DPP6: variants seen among roughly 807,000 people sequenced by gnomAD.
The protein encoded by DPP6 is A-type potassium channel modulatory protein DPP6.
In DPP6, 69 loss-of-function variants were observed where a neutral mutation model predicts 122.6. That is an observed-to-expected ratio of 0.56 (90% confidence interval 0.46 to 0.69). The LOEUF is 0.69. Ranked by LOEUF, DPP6 falls within the 30% of genes least tolerant of loss-of-function variation. The pLI is 0.00. For missense variants in DPP6, 928 were observed against 1,116.9 expected (o/e 0.83, Z 2.41); for synonymous variants, 418 against 433.1 (o/e 0.97, Z 0.43).
At chr7:154,415,675 C>T (rs1816958707) in intron 1 of DPP6, among the ~76,000 whole-genome samples, 1 of 149,998 alleles carries the variant, frequency 6.7e-6, no homozygotes, top group African/African-American at 2.5e-5. Context: ...CAGTTGAACT[C>T]TTTTAGAAGA....
At chr7:154,199,702 T>C (rs1257312973) in intron 1 of DPP6, among the ~76,000 whole-genome samples, 1 of 151,940 alleles carries the variant, frequency 6.6e-6, no homozygotes, top group African/African-American at 2.4e-5. Context: ...GTCCGCCTCC[T>C]GGGTTCAAGT....
At chr7:153,755,225 C>T in the DPP6 span, among the ~76,000 whole-genome samples, 2 of 148,208 alleles carry the variant, frequency 1.3e-5, no homozygotes, top group South Asian at 4.4e-4. Context: ...CCTCTTGTAG[C>T]CCATTCAGCA....
chr7:154,342,900 A>G lies in DPP6; in HGVS notation c.244-103314A>G, dbSNP rs550631828. On this transcript the variant is annotated intron_variant, in intron 1 of 25. Coordinates refer to ENST00000377770, the MANE Select transcript of DPP6 (RefSeq NM_130797.4). ...CTCTCAAGGTAAACTGAAATGATCA[A>G]TGTATTTATAGTAGGATAATCAAAA... is the stretch of plus-strand genomic sequence containing the variant. Among the ~76,000 whole-genome samples, 58 of 152,346 alleles carry G rather than the reference A, an allele frequency of 3.8e-4. 3 individuals carry two copies. In the South Asian group the frequency reaches 9.7e-3, roughly 26 times the overall value.
chr7:153,953,333 G>A (rs1234499713), intron 1 of DPP6, among the ~76,000 whole-genome samples: 1 of 152,108 alleles, frequency 6.6e-6, no homozygotes, highest in Non-Finnish European at 1.5e-5. Context: ...TGGGTAATTT[G>A]CCTAAGATCA....
chr7:154,266,805 G>T (rs1803451372), intron 1 of DPP6, among the ~76,000 whole-genome samples: 1 of 152,178 alleles, frequency 6.6e-6, no homozygotes, highest in Non-Finnish European at 1.5e-5. Flanking sequence ...AGGACATCTA[G>T]AAAGTCAAAA....
the DPP6 span, among the ~76,000 whole-genome samples, chr7:153,770,066 G>A: frequency 1.3e-5 from 2 of 152,280 alleles, no homozygotes; most frequent in Admixed American, 6.5e-5. Flanking sequence ...TCTCAAAGAT[G>A]CTGCCTGAGG....
chr7:153,805,914 C>A, the DPP6 span, among the ~76,000 whole-genome samples: 17 of 151,840 alleles, frequency 1.1e-4, no homozygotes, highest in African/African-American at 4.1e-4. Context: ...TGACGAGTTA[C>A]TGGGTGCAGC....
intron 1 of DPP6, among the ~76,000 whole-genome samples, chr7:153,999,369 T>A (rs559649501): frequency 6.6e-6 from 1 of 152,360 alleles, no homozygotes; most frequent in African/African-American, 2.4e-5. Context: ...TCTAGAATTG[T>A]TGACTATTCT....
Position 153,964,381 on chromosome 7 carries a change from A to G in DPP6, c.51+76647A>G, listed in dbSNP as rs538787440. On this transcript the variant is annotated intron_variant, in intron 1 of 25. Coordinates refer to the DPP6 transcript ENST00000404039. ...TTTCTGGAAAACGTGTGTCTCATTCATCTCTTGTTGGCGTTTCTGAAAATA... is the reference window on the plus strand; with the variant it reads ...TTTCTGGAAAACGTGTGTCTCATTCGTCTCTTGTTGGCGTTTCTGAAAATA... Among the ~76,000 whole-genome samples the G allele has an allele frequency of 5.3e-5, 8 of 152,186 alleles. No individual in the cohort carries two copies. In the South Asian group the frequency reaches 1.7e-3, roughly 32 times the overall value.
intron 16 of DPP6, among the ~76,000 whole-genome samples, chr7:154,809,958 C>T (rs1170361304): frequency 6.6e-6 from 1 of 152,204 alleles, no homozygotes. Flanking sequence ...CAACCTCTGC[C>T]TCCCGGTTTC....
chr7:154,690,206 G>T (rs1296628445), intron 7 of DPP6, among the ~76,000 whole-genome samples: 2 of 152,118 alleles, frequency 1.3e-5, no homozygotes, highest in Non-Finnish European at 2.9e-5. Flanking sequence ...GTTTTATAAG[G>T]ACCTGTGTCC....
intron 3 of DPP6, among the ~76,000 whole-genome samples, chr7:154,484,254 C>A (rs1823598455): frequency 6.6e-6 from 1 of 152,216 alleles, no homozygotes; most frequent in South Asian, 2.1e-4. Flanking sequence ...GCATCTGTGA[C>A]CAACAGAAAG....
At chr7:153,960,439 A>G (rs1263223921) in intron 1 of DPP6, among the ~76,000 whole-genome samples, 2 of 152,208 alleles carry the variant, frequency 1.3e-5, no homozygotes, top group East Asian at 1.9e-4. Flanking sequence ...AAATGCTTGT[A>G]GGAAAAAGCT....
the DPP6 span, among the ~76,000 whole-genome samples, chr7:153,826,975 A>T: frequency 1.1e-3 from 154 of 139,764 alleles, no homozygotes; most frequent in African/African-American, 3.9e-3. Context: ...ATTTGGAAAA[A>T]TAAATAGAAC....
the DPP6 span, among the ~76,000 whole-genome samples, chr7:153,775,672 A>G: frequency 6.6e-6 from 1 of 152,176 alleles, no homozygotes; most frequent in Non-Finnish European, 1.5e-5. Context: ...GACTTTCTAC[A>G]TGGCAAAACC....
At chr7:153,831,835 G>C in the DPP6 span, among the ~76,000 whole-genome samples, 1 of 152,134 alleles carries the variant, frequency 6.6e-6, no homozygotes, top group East Asian at 1.9e-4. Context: ...AAGATGAGGG[G>C]GCTGAGGTGG....
At chr7:154,108,660 T>C (rs1351710147) in intron 1 of DPP6, among the ~76,000 whole-genome samples, 1 of 152,202 alleles carries the variant, frequency 6.6e-6, no homozygotes, top group Non-Finnish European at 1.5e-5. Context: ...ATCCAGCTAA[T>C]GCACACCAGG....
intron 3 of DPP6, among the ~76,000 whole-genome samples, chr7:154,522,253 C>T (rs1827052413): frequency 6.6e-6 from 1 of 152,168 alleles, no homozygotes; most frequent in African/African-American, 2.4e-5. Flanking sequence ...GGATTACAAG[C>T]GTGAGCCACC....
At chr7:154,205,758 C>T (rs1047192554) in intron 1 of DPP6, among the ~76,000 whole-genome samples, 3 of 130,878 alleles carry the variant, frequency 2.3e-5, no homozygotes, top group Non-Finnish European at 4.9e-5. Flanking sequence ...TTCCACCAAA[C>T]CTAGAATTGT....
Sources: allele counts gnomAD v4.1 joint callset (sites outside exome capture counted in the v4.1 genomes callset), GRCh38; gene constraint gnomAD v4.1.1; transcripts MANE v1.5; gene names NCBI Gene and HGNC (gene_info 2026-07-23, HGNC 2026-07-21).